Variants in UNC79 observed in about 807,000 individuals in gnomAD.
UNC79 encodes protein unc-79 homolog.
In UNC79, 37 loss-of-function variants were observed where a neutral mutation model predicts 283.1. The ratio of observed to expected loss-of-function variants is 0.13; its 90% confidence interval spans 0.10 to 0.17. UNC79 has a LOEUF of 0.17. Among genes scored for constraint, UNC79 ranks in the 10% least tolerant of loss-of-function variants. The probability of loss-of-function intolerance (pLI) is 1.00; values close to 1 mark genes in which losing one functional copy is unlikely to be tolerated. For synonymous variants in UNC79, 1,107 were observed against 1,200.2 expected, an observed-to-expected ratio of 0.92 and a Z score of 1.61; for missense variants, 2,272 against 3,211.1, an observed-to-expected ratio of 0.71 and a Z score of 7.07.
At chr14:93,420,446 C>T (rs1306185229) in intron 1 of UNC79, among the ~76,000 whole-genome samples, 1 of 151,394 alleles carries the variant, frequency 6.6e-6, no homozygotes, top group African/African-American at 2.4e-5. Context: ...GGGGAGTACC[C>T]AGATATATGA....
chr14:93,405,716 C>T (rs1219024055), intron 1 of UNC79, among the ~76,000 whole-genome samples: 1 of 152,056 alleles, frequency 6.6e-6, no homozygotes, highest in Admixed American at 6.6e-5. Flanking sequence ...TTCACAATGC[C>T]AATTACAAAA....
chr14:93,495,220 A>C (rs2058963384), intron 5 of UNC79, among the ~76,000 whole-genome samples: 1 of 152,220 alleles, frequency 6.6e-6, no homozygotes, highest in African/African-American at 2.4e-5. Flanking sequence ...TTATAAAGAA[A>C]AGAGGTTTAA....
chr14:93,640,549 G>C (rs562292335), intron 32 of UNC79, among the ~76,000 whole-genome samples: 4 of 152,260 alleles, frequency 2.6e-5, no homozygotes, highest in Non-Finnish European at 5.9e-5. Context: ...GATTGCTTCA[G>C]CCTGGGAGGT....
chr14:93,532,615 T>C (rs1027295522), intron 11 of UNC79, 37 bp downstream of exon 11: 2 of 1,607,030 alleles, frequency 1.2e-6, no homozygotes, highest in African/African-American at 2.7e-5. Context: ...GGGCATGATT[T>C]ATTGTGTTTG....
At chr14:93,334,553 T>C (rs565257132) in intron 1 of UNC79, 1 of 152,240 alleles carries the variant, frequency 6.6e-6, no homozygotes, top group Non-Finnish European at 1.5e-5. Flanking sequence ...TTCCACACTT[T>C]TATACTTCCC....
intron 14 of UNC79, among the ~76,000 whole-genome samples, chr14:93,547,856 T>C (rs2061678941): frequency 6.6e-6 from 1 of 151,972 alleles, no homozygotes; most frequent in Non-Finnish European, 1.5e-5. Context: ...TATCCTGGCA[T>C]GTTGGCTCGC....
At chr14:93,462,208 A>T (rs1364095039) in intron 1 of UNC79, among the ~76,000 whole-genome samples, 2 of 152,236 alleles carry the variant, frequency 1.3e-5, no homozygotes, top group Non-Finnish European at 2.9e-5. Context: ...GGCAGGGCTC[A>T]GGCAGGAGAA....
At chr14:93,396,777 A>ATGTGTGTGTGTGTGTGTGTGTG (rs34727419) in intron 1 of UNC79, among the ~76,000 whole-genome samples, 100 of 144,494 alleles carry the variant, frequency 6.9e-4, no homozygotes, top group Non-Finnish European at 1.2e-3. Flanking sequence ...ATGTGTGTGT[A>ATGTGTGTGTGTGTGTGTGTGTG]TGTGTGTGTG....
At chr14:93,677,790 C>T (rs1263459198) in intron 41 of UNC79, among the ~76,000 whole-genome samples, 1 of 152,198 alleles carries the variant, frequency 6.6e-6, no homozygotes, top group African/African-American at 2.4e-5. Flanking sequence ...GCTGGGACTA[C>T]AGGCACGCAC....
intron 1 of UNC79, among the ~76,000 whole-genome samples, chr14:93,346,892 C>A (rs1348987807): frequency 6.6e-6 from 1 of 151,660 alleles, no homozygotes; most frequent in Admixed American, 6.6e-5. Context: ...TGAATGAGGG[C>A]TGGGAGGTTG....
At chr14:93,400,670 G>T (rs2055090378) in intron 1 of UNC79, among the ~76,000 whole-genome samples, 1 of 152,140 alleles carries the variant, frequency 6.6e-6, no homozygotes, top group Non-Finnish European at 1.5e-5. Context: ...CAGGGCACTG[G>T]GGTCTACGGT....
At chr14:93,685,720 C>T (rs1372179040) in intron 42 of UNC79, among the ~76,000 whole-genome samples, 4 of 152,196 alleles carry the variant, frequency 2.6e-5, no homozygotes, top group African/African-American at 4.8e-5. Flanking sequence ...AAGCCTGCCT[C>T]GTTTGATCCA....
intron 4 of UNC79, among the ~76,000 whole-genome samples, chr14:93,478,977 A>G (rs2057958719): frequency 6.6e-6 from 1 of 152,216 alleles, no homozygotes; most frequent in African/African-American, 2.4e-5. Flanking sequence ...TAGCAATTCA[A>G]AAAAATTAGC....
At position 93,698,266 on chromosome 14, in the gene UNC79, C is replaced by T. The variant is rs1032974419; in HGVS notation, c.7548+3854C>T. Among the ~76,000 whole-genome samples, 3 of 152,164 alleles carry T rather than the reference C, an allele frequency of 2.0e-5. No homozygotes were observed. In the South Asian group the frequency reaches 6.2e-4, roughly 32 times the overall value. ...TTTTTGATTGTATTGCTCAAGTCTT[C>T]TATGTCCTTCTTGTTATGTCTGTCA... On this transcript the variant is annotated intron_variant, in intron 47 of 48. Transcript: ENST00000555664.
intron 17 of UNC79, among the ~76,000 whole-genome samples, chr14:93,575,700 T>C (rs1024954199): frequency 1.4e-4 from 21 of 152,184 alleles, no homozygotes; most frequent in African/African-American, 5.1e-4. Flanking sequence ...GTCAAGATAG[T>C]CTGGTCTAAA....
Position 93,695,114 on chromosome 14 carries a change from C to G in UNC79, c.7548+702C>G, listed in dbSNP as rs528534529. Among the ~76,000 whole-genome samples, 3 of 152,148 alleles carry G rather than the reference C, an allele frequency of 2.0e-5. No individual in the cohort carries two copies. The South Asian group carries it at 6.2e-4, about 32-fold the overall frequency. ...TTATCTTTCTGCCTCCCCTCTTTTTCCTTTCCTTCCTATCGTTCCACCTCT... is the reference window on the plus strand; with the variant it reads ...TTATCTTTCTGCCTCCCCTCTTTTTGCTTTCCTTCCTATCGTTCCACCTCT... On this transcript the variant is annotated intron_variant, in intron 47 of 48. Transcript: ENST00000555664.
intron 14 of UNC79, among the ~76,000 whole-genome samples, chr14:93,543,473 G>A (rs2061465002): frequency 6.6e-6 from 1 of 151,542 alleles, no homozygotes; most frequent in South Asian, 2.1e-4. Context: ...TGAACTCCTG[G>A]GCTCAAGAGA....
chr14:93,472,657 G>T (rs974783744), intron 2 of UNC79, among the ~76,000 whole-genome samples: 6 of 152,016 alleles, frequency 3.9e-5, no homozygotes, highest in African/African-American at 1.2e-4. Context: ...AACATATTTT[G>T]CACTAAGAGC....
At chr14:93,539,275 C>A (rs996831641) in intron 12 of UNC79, among the ~76,000 whole-genome samples, 7 of 149,960 alleles carry the variant, frequency 4.7e-5, no homozygotes, top group Non-Finnish European at 8.9e-5. Context: ...GTAATCCCAG[C>A]ACTTTGAGAG....
Sources: allele counts gnomAD v4.1 joint callset (sites outside exome capture counted in the v4.1 genomes callset), GRCh38; gene constraint gnomAD v4.1.1; transcripts MANE v1.5; gene names NCBI Gene and HGNC (gene_info 2026-07-23, HGNC 2026-07-21).